Variants in ZNF787 observed in about 807,000 individuals in gnomAD.
ZNF787 encodes TTF-I-interacting peptide 20.
In ZNF787, 7 loss-of-function variants were observed where a neutral mutation model predicts 16.9. The observed-to-expected ratio is 0.42, with a 90% CI of 0.24 to 0.78. The LOEUF (loss-of-function observed/expected upper bound fraction) is 0.78, where lower values mean the gene tolerates loss of function less well. Among genes scored for constraint, ZNF787 ranks in the 30% least tolerant of loss-of-function variants. The pLI, the probability that ZNF787 is intolerant of heterozygous loss-of-function variation, is 0.30. For missense variants in ZNF787, 551 were observed against 589.3 expected, an observed-to-expected ratio of 0.94 and a Z score of 0.67; for synonymous variants, 345 against 270.9, an observed-to-expected ratio of 1.27 and a Z score of -2.69.
At chr19:56,092,020 AAGCCG>A (rs1985613575) in intron 2 of ZNF787, among the ~76,000 whole-genome samples, 1 of 17,544 alleles carries the variant, frequency 5.7e-5, no homozygotes, top group South Asian at 0.017. Context: ...GCCGAAACCG[AAGCCG>A]AAGCCGAAGC....
intron 1 of ZNF787, among the ~76,000 whole-genome samples, chr19:56,117,061 C>T (rs73934681): frequency 0.023 from 3,504 of 152,270 alleles, 122 homozygotes; most frequent in African/African-American, 0.08. Context: ...GATCTGGCCC[C>T]CCAGGAACCA....
intron 1 of ZNF787, among the ~76,000 whole-genome samples, chr19:56,113,967 C>T (rs1237870290): frequency 6.6e-6 from 1 of 152,146 alleles, no homozygotes; most frequent in Non-Finnish European, 1.5e-5. Flanking sequence ...GTAGCTGGGA[C>T]TACAAGCGCT....
intron 2 of ZNF787, among the ~76,000 whole-genome samples, chr19:56,093,181 C>A (rs1373551205): frequency 6.9e-6 from 1 of 144,100 alleles, no homozygotes; most frequent in East Asian, 2.0e-4. Flanking sequence ...ACGGGGATGG[C>A]GGAAGTGGGA....
chr19:56,113,089 C>T (rs1208141401), intron 1 of ZNF787, among the ~76,000 whole-genome samples: 1 of 152,034 alleles, frequency 6.6e-6, no homozygotes, highest in African/African-American at 2.4e-5. Flanking sequence ...AATTAGAACC[C>T]GGGCAAAGGA....
chr19:56,105,442 CAACT>C (rs1986265642), intron 1 of ZNF787: 1 of 152,238 alleles, frequency 6.6e-6, no homozygotes, highest in Non-Finnish European at 1.5e-5. Flanking sequence ...GCGGTGTTTA[CAACT>C]AACTGCCAGT....
intron 2 of ZNF787, among the ~76,000 whole-genome samples, chr19:56,089,455 G>A (rs938018817): frequency 6.6e-6 from 1 of 152,172 alleles, no homozygotes; most frequent in Admixed American, 6.5e-5. Context: ...CTGGACGCCG[G>A]GGGCAGAGGA....
chr19:56,088,516 C>T lies in ZNF787; in HGVS notation c.656G>A (p.Arg219Gln). 4 of 1,424,176 alleles carry T rather than the reference C, an allele frequency of 2.8e-6. No homozygotes were observed. The highest frequency in any genetic ancestry group is 2.7e-6 in the Non-Finnish European group (3 of 1,096,670). The allele number at this position is 1,424,176 out of a possible 1,614,324, so 88.2% of individuals were successfully genotyped here. A position where few individuals can be genotyped will look rare whatever the true frequency, so the allele number is the denominator to read the frequency against. The change falls in exon 3 of 3, where the codon CGG becomes CAG. Residue 219 changes from arginine (R) to glutamine (Q), a missense_variant. Around this residue, in one of 4 missense-constraint regions of ZNF787, gnomAD observed 392 missense variants for 312.7 expected, o/e 1.25. Transcript: ENST00000610935. This position sits in a 1 kb window ranked among gnomAD's most constrained non-coding sequence, Gnocchi z 8.6. ...CACCGCCTCTTCGGGCCCCTTGGCCCGCCGGACGCTAGCCGCCAGCACCTT... is the reference window on the plus strand; with the variant it reads ...CACCGCCTCTTCGGGCCCCTTGGCCTGCCGGACGCTAGCCGCCAGCACCTT... ...AAKVLAASVR[R>Q]AKGPEEAVAA...
intron 1 of ZNF787, among the ~76,000 whole-genome samples, chr19:56,118,217 TG>T (rs1367258152): frequency 6.6e-6 from 1 of 152,140 alleles, no homozygotes; most frequent in Middle Eastern, 3.2e-3. Context: ...TGATGCTGGG[TG>T]AGTGAGGCCT....
intron 1 of ZNF787, among the ~76,000 whole-genome samples, chr19:56,109,563 G>A (rs1456759474): frequency 1.3e-5 from 2 of 152,172 alleles, no homozygotes; most frequent in Non-Finnish European, 2.9e-5. Flanking sequence ...TGCTTCAGGA[G>A]GCCTTCACTT....
At chr19:56,092,171 A>G (rs1356640596) in intron 2 of ZNF787, among the ~76,000 whole-genome samples, 3 of 152,238 alleles carry the variant, frequency 2.0e-5, no homozygotes, top group East Asian at 1.9e-4. Context: ...GGTGAGGAGC[A>G]CAAGAGTTCT....
intron 1 of ZNF787, among the ~76,000 whole-genome samples, chr19:56,115,695 CG>C (rs2030114987): frequency 1.3e-5 from 2 of 152,208 alleles, no homozygotes; most frequent in East Asian, 1.9e-4. Context: ...CCGTCTTCCT[CG>C]GGGGCATCAG....
At chr19:56,112,687 G>T (rs1352748201) in intron 1 of ZNF787, among the ~76,000 whole-genome samples, 1 of 151,080 alleles carries the variant, frequency 6.6e-6, no homozygotes, top group Non-Finnish European at 1.5e-5. Context: ...TTGCAGCCTG[G>T]AGCAGCCACC....
Position 56,087,980 on chromosome 19 carries a change from A to G in ZNF787, c.*43T>C, listed in dbSNP as rs1243742968. On this transcript the variant is annotated 3_prime_UTR_variant, in exon 3 of 3. Transcript: ENST00000610935. The stretch of plus-strand genomic sequence containing the variant: ...GGTCTTGCACGTCGTCGCTCCCGCC[A>G]AGCCCGAGGGGCCCTGCCCGCCCCC... 9.3e-6 allele frequency: 12 copies of G among 1,294,684 alleles called. No individual in the cohort carries two copies. In the African/African-American group the frequency reaches 1.8e-4, roughly 19 times the overall value. 80.2% of individuals were successfully genotyped at this position (1,294,684 alleles called of 1,614,324 possible).
At chr19:56,102,599 G>T (rs1251118520) in intron 2 of ZNF787, 1 of 471,572 alleles carries the variant, frequency 2.1e-6, no homozygotes. Flanking sequence ...AAAAGTGAAG[G>T]ATTTCACATA....
intron 1 of ZNF787, among the ~76,000 whole-genome samples, chr19:56,106,434 A>G (rs900157858): frequency 6.6e-6 from 1 of 152,208 alleles, no homozygotes; most frequent in Non-Finnish European, 1.5e-5. Context: ...GTTCGCGTTC[A>G]TCTCTCTGGG....
At chr19:56,092,427 C>T (rs571033758) in intron 2 of ZNF787, among the ~76,000 whole-genome samples, 5 of 152,268 alleles carry the variant, frequency 3.3e-5, no homozygotes, top group African/African-American at 9.6e-5. Context: ...CAGGCTCTAC[C>T]TCTACGCCTC....
rs530677533 is a variant in ZNF787 at position 56,107,543 on chromosome 19, A to G, written c.-10-4316T>C. On this transcript the variant is annotated intron_variant, in intron 1 of 2. Transcript: ENST00000610935. ...GGGTCACTGGGAGAAACGAGTCACC[A>G]GGAGACACGGGGTCACAGGGAGGGA... 3.3e-3 allele frequency among the ~76,000 whole-genome samples: 501 copies of G among 150,170 alleles called. 2 individuals are homozygous for G. The highest frequency in any genetic ancestry group is 0.012 in the African/African-American group (476 of 40,922).
chr19:56,099,008 A>G (rs677142), intron 2 of ZNF787, among the ~76,000 whole-genome samples: 140,767 of 152,178 alleles, frequency 0.93, 65,734 homozygotes, highest in Non-Finnish European at 0.99. Flanking sequence ...ACGTCACAGC[A>G]AGGGGCCCAG....
At chr19:56,101,451 G>A (rs1214729910) in intron 2 of ZNF787, among the ~76,000 whole-genome samples, 1 of 152,248 alleles carries the variant, frequency 6.6e-6, no homozygotes, top group African/African-American at 2.4e-5. Context: ...GCTGGACAAG[G>A]GGACCTGACA....
Sources: gnomAD v4.1 joint callset for allele counts (sites outside exome capture counted in the v4.1 genomes callset) on GRCh38, gnomAD v4.1.1 for gene constraint, gnomAD v4.1.1 regional missense constraint, Gnocchi (gnomAD v3.1) non-coding constraint, MANE v1.5 for transcripts, NCBI Gene and HGNC (gene_info 2026-07-23, HGNC 2026-07-21) for gene names.